The following KLHL32 variants were observed in gnomAD, a reference collection of about 807,000 sequenced individuals.
KLHL32 encodes kelch like family member 32, also known as kelch-like protein 32.
A neutral mutation model predicts 64.8 loss-of-function variants in KLHL32; 35 were observed. That is an observed-to-expected ratio of 0.54 (90% CI 0.41 to 0.72). KLHL32 has a LOEUF of 0.72. KLHL32 is among the 30% of genes least tolerant of loss of function. The pLI is 0.00. For missense variants in KLHL32, 589 were observed against 768.5 expected (o/e 0.77, Z 2.76); for synonymous variants, 259 against 281.0 (o/e 0.92, Z 0.78).
chr6:97,060,506 G>A (rs1254198295), intron 4 of KLHL32, among the ~76,000 whole-genome samples: 2 of 152,136 alleles, frequency 1.3e-5, no homozygotes, highest in African/African-American at 4.8e-5. Flanking sequence ...TGACTGAGGT[G>A]GCCCACGTCA....
At chr6:97,036,796 C>G (rs1232758603) in intron 3 of KLHL32, among the ~76,000 whole-genome samples, 1 of 152,158 alleles carries the variant, frequency 6.6e-6, no homozygotes, top group Non-Finnish European at 1.5e-5. Context: ...GCCAGAGTGG[C>G]CCCCTCCAGC....
intron 9 of KLHL32, 27 bp downstream of exon 9, chr6:97,130,976 G>A (rs1157209348): frequency 6.3e-7 from 1 of 1,590,878 alleles, no homozygotes. Flanking sequence ...AAGTAAATCA[G>A]GAAAAGTAGA....
intron 3 of KLHL32, among the ~76,000 whole-genome samples, chr6:96,978,839 G>C (rs1476668770): frequency 1.3e-5 from 2 of 152,096 alleles, no homozygotes; most frequent in African/African-American, 2.4e-5. Context: ...TAGTCATTCT[G>C]ACTGGTGTGA....
chr6:96,934,246 A>G (rs542404247), intron 1 of KLHL32, among the ~76,000 whole-genome samples: 1 of 152,306 alleles, frequency 6.6e-6, no homozygotes, highest in South Asian at 2.1e-4. Context: ...GATCTTCTAT[A>G]CTTACTGTGT....
At chr6:96,971,945 C>T (rs1296131634) in intron 2 of KLHL32, among the ~76,000 whole-genome samples, 3 of 152,038 alleles carry the variant, frequency 2.0e-5, no homozygotes, top group South Asian at 2.1e-4. Context: ...CTCTGCTTCC[C>T]GGGTTCAAGT....
chr6:96,900,538 T>C, the KLHL32 span, among the ~76,000 whole-genome samples: 2 of 152,240 alleles, frequency 1.3e-5, no homozygotes, highest in Non-Finnish European at 2.9e-5. Flanking sequence ...TGGGTGGGAA[T>C]CATTAGTTCT....
At chr6:96,985,232 A>C (rs1180781755) in intron 3 of KLHL32, among the ~76,000 whole-genome samples, 29 of 152,180 alleles carry the variant, frequency 1.9e-4, no homozygotes, top group Non-Finnish European at 3.7e-4. Flanking sequence ...AGTTTCTGCC[A>C]AGAGATCAGC....
intron 7 of KLHL32, among the ~76,000 whole-genome samples, chr6:97,124,844 A>T (rs1798716177): frequency 1.3e-5 from 2 of 152,222 alleles, no homozygotes; most frequent in African/African-American, 4.8e-5. Flanking sequence ...TTGTGTGGTT[A>T]TGCTGAGAAA....
At chr6:97,008,959 T>C (rs760101333) in intron 3 of KLHL32, among the ~76,000 whole-genome samples, 1 of 152,068 alleles carries the variant, frequency 6.6e-6, no homozygotes, top group Non-Finnish European at 1.5e-5. Flanking sequence ...AAGGGCAGTA[T>C]AGTTTTAGAC....
chr6:97,083,195 G>A (rs542656431), intron 5 of KLHL32, among the ~76,000 whole-genome samples: 1 of 152,226 alleles, frequency 6.6e-6, no homozygotes, highest in African/African-American at 2.4e-5. Context: ...TTCAAGACCA[G>A]CCTGACCAAT....
At chr6:96,981,464 G>T (rs1776304551) in intron 3 of KLHL32, among the ~76,000 whole-genome samples, 1 of 151,750 alleles carries the variant, frequency 6.6e-6, no homozygotes. Flanking sequence ...AGTCTAGTTT[G>T]CTGTCTATTT....
chr6:96,959,268 G>T (rs945757846), intron 1 of KLHL32, among the ~76,000 whole-genome samples: 1 of 152,134 alleles, frequency 6.6e-6, no homozygotes, highest in African/African-American at 2.4e-5. Flanking sequence ...CCCAGACCTG[G>T]AGGTAGTGTG....
chr6:97,112,897 CAAT>C (rs1455567430), intron 6 of KLHL32, among the ~76,000 whole-genome samples: 6 of 148,884 alleles, frequency 4.0e-5, no homozygotes, highest in Non-Finnish European at 8.9e-5. Context: ...CAAAATTAAA[CAAT>C]AATTTTTATT....
At chr6:96,979,206 A>G (rs1359453718) in intron 3 of KLHL32, among the ~76,000 whole-genome samples, 1 of 152,064 alleles carries the variant, frequency 6.6e-6, no homozygotes, top group Non-Finnish European at 1.5e-5. Flanking sequence ...TTGTCATGAC[A>G]TATTTGTCAG....
intron 1 of KLHL32, among the ~76,000 whole-genome samples, chr6:96,938,099 C>G (rs17448885): frequency 0.39 from 59,314 of 151,984 alleles, 11,887 homozygotes; most frequent in South Asian, 0.5. Flanking sequence ...ACAGAAAAAC[C>G]CTTAAAGCCC....
intron 3 of KLHL32, among the ~76,000 whole-genome samples, chr6:97,013,243 A>G (rs997271364): frequency 6.6e-6 from 1 of 152,222 alleles, no homozygotes; most frequent in Non-Finnish European, 1.5e-5. Flanking sequence ...AGTGTATTTC[A>G]GCAGTTTGGT....
At chr6:96,904,333 C>T in the KLHL32 span, among the ~76,000 whole-genome samples, 2 of 72,904 alleles carry the variant, frequency 2.7e-5, no homozygotes, top group African/African-American at 6.1e-5. Context: ...CAGAGCAAGA[C>T]TTTGTCAAAA....
In KLHL32 at chr6:96,973,730, C is replaced by CTCTTTTTT. The variant is rs1554208428; in HGVS notation, c.24-2266_24-2265insCTTTTTTT. 4.2e-5 allele frequency among the ~76,000 whole-genome samples: 5 copies of CTCTTTTTT among 118,252 alleles called. 1 individual carries two copies. The highest frequency in any genetic ancestry group is 1.6e-4 in the African/African-American group (5 of 30,732). The allele number at this position is 118,252 out of a possible 152,430, so 77.6% of individuals were successfully genotyped here. On this transcript the variant is annotated intron_variant, in intron 2 of 10. Coordinates refer to ENST00000369261, the MANE Select transcript of KLHL32 (RefSeq NM_052904.4). ...GATTTTTGAGATCTTTACAGATTGC[C>CTCTTTTTT]TTTTTTTTTTTAGACAGAGTCTCGC...
At chr6:97,135,573 C>T (rs974019290) in intron 10 of KLHL32, among the ~76,000 whole-genome samples, 2 of 152,110 alleles carry the variant, frequency 1.3e-5, no homozygotes, top group Non-Finnish European at 2.9e-5. Flanking sequence ...GCTGGGATTA[C>T]AGGCGTGAGC....
Sources: allele counts gnomAD v4.1 joint callset (sites outside exome capture counted in the v4.1 genomes callset), GRCh38; gene constraint gnomAD v4.1.1; transcripts MANE v1.5; gene names NCBI Gene and HGNC (gene_info 2026-07-23, HGNC 2026-07-21).